SGIP1: variants seen among roughly 807,000 people sequenced by gnomAD.
The protein encoded by SGIP1 is SH3-containing GRB2-like protein 3-interacting protein 1.
SGIP1 carries 38 observed loss-of-function variants against 107.5 expected under a neutral mutation model. The observed-to-expected ratio is 0.35, with a 90% confidence interval of 0.27 to 0.46. SGIP1 has a LOEUF of 0.46. Ranked by LOEUF, SGIP1 falls within the 20% of genes least tolerant of loss-of-function variation. The probability of loss-of-function intolerance (pLI) is 1.00; values close to 1 mark genes in which losing one functional copy is unlikely to be tolerated. For synonymous variants in SGIP1, 365 were observed against 366.1 expected (o/e 1.00, Z 0.03); for missense variants, 929 against 1,019.5 (o/e 0.91, Z 1.21).
At chr1:66,706,165 T>A (rs1420577872) in intron 18 of SGIP1, among the ~76,000 whole-genome samples, 17 of 151,660 alleles carry the variant, frequency 1.1e-4, no homozygotes. Context: ...TGAATTACTG[T>A]TTTTGGTAAA....
At chr1:66,651,816 C>G (rs1394529988) in intron 7 of SGIP1, among the ~76,000 whole-genome samples, 3 of 152,174 alleles carry the variant, frequency 2.0e-5, no homozygotes, top group African/African-American at 7.2e-5. Flanking sequence ...ATTATATATG[C>G]AGATTGTTTG....
intron 1 of SGIP1, among the ~76,000 whole-genome samples, chr1:66,611,791 G>A (rs1329247098): frequency 6.6e-6 from 1 of 152,210 alleles, no homozygotes; most frequent in African/African-American, 2.4e-5. Context: ...GAGCATCTCG[G>A]AGGATGTTGG....
chr1:66,650,529 C>G (rs1302056582), intron 7 of SGIP1, among the ~76,000 whole-genome samples: 1 of 152,108 alleles, frequency 6.6e-6, no homozygotes, highest in Non-Finnish European at 1.5e-5. Flanking sequence ...ACTTCAGTTT[C>G]CTGATTGGTT....
intron 13 of SGIP1, 32 bp from the exon 14 acceptor site, chr1:66,679,646 C>T: frequency 6.3e-7 from 1 of 1,595,048 alleles, no homozygotes; most frequent in African/African-American, 1.4e-5. Context: ...AAGCACATGA[C>T]CAATGATACT....
At chr1:66,597,317 C>T (rs549581531) in intron 1 of SGIP1, among the ~76,000 whole-genome samples, 6 of 152,320 alleles carry the variant, frequency 3.9e-5, no homozygotes, top group African/African-American at 9.6e-5. Context: ...AGTATTTGGT[C>T]TTCTATAACA....
chr1:66,584,648 T>G (rs1203552033), intron 1 of SGIP1, among the ~76,000 whole-genome samples: 2 of 152,188 alleles, frequency 1.3e-5, no homozygotes, highest in African/African-American at 2.4e-5. Context: ...ATTCCCATAT[T>G]GGTATACATC....
Position 66,636,035 on chromosome 1 carries a change from T to C in SGIP1, c.171+20T>C. 6.2e-7 allele frequency: 1 copy of C among 1,609,792 alleles called. No homozygotes were observed. Among genetic ancestry groups the C allele is most frequent in the Non-Finnish European group, 8.5e-7 (1 of 1,177,154 alleles). ...GTTTCGGTAAGGAAACAGATTTTAG[T>C]TTAAAATTTCCAAAGGGTTATAAAA... is the stretch of plus-strand genomic sequence containing the variant. On this transcript the variant is annotated intron_variant, in intron 4 of 24. Coordinates refer to ENST00000371037, the MANE Select transcript of SGIP1 (RefSeq NM_032291.4).
Position 66,682,253 on chromosome 1 carries a change from C to A in SGIP1, c.1199C>A (p.Pro400His), listed in dbSNP as rs141088608. Residue 400 changes from proline (P) to histidine (H), a missense_variant, in exon 15 of 25, where the codon CCT becomes CAT. Physicochemically the swap from Pro to His is moderately conservative, Grantham distance 77. This residue lies in a region of SGIP1 where 588 missense variants were observed against 588.6 expected (regional missense o/e 1.00). Transcript: ENST00000371037. ...KDDYLETISS[P>H]KDFGLGQRAT... ...GATTACTTAGAAACAATCTCATCTC[C>A]TAAAGATTTTGGGTTGGGACAAAGA... The A allele has an allele frequency of 1.2e-5, 19 of 1,614,126 alleles. No homozygotes were observed. The Middle Eastern group carries it at 4.9e-4, about 42-fold the overall frequency.
chr1:66,586,455 A>G (rs773229065), intron 1 of SGIP1, among the ~76,000 whole-genome samples: 5 of 152,088 alleles, frequency 3.3e-5, no homozygotes, highest in Non-Finnish European at 5.9e-5. Flanking sequence ...TCAGAATTAT[A>G]TAATGTTTTT....
chr1:66,581,892 A>C (rs1429569652), intron 1 of SGIP1, among the ~76,000 whole-genome samples: 1 of 152,142 alleles, frequency 6.6e-6, no homozygotes, highest in Non-Finnish European at 1.5e-5. Context: ...GATTTGCTTC[A>C]CAAATTGTTA....
At chr1:66,605,908 T>A (rs2066738450) in intron 1 of SGIP1, among the ~76,000 whole-genome samples, 1 of 152,172 alleles carries the variant, frequency 6.6e-6, no homozygotes, top group Admixed American at 6.5e-5. Context: ...TTTCGATTGC[T>A]TCGCGGTTCA....
At chr1:66,734,720 G>A (rs2150656246) in intron 21 of SGIP1, among the ~76,000 whole-genome samples, 1 of 152,046 alleles carries the variant, frequency 6.6e-6, no homozygotes, top group African/African-American at 2.4e-5. Context: ...TGGCTATGCT[G>A]GTCTGGAACT....
intron 17 of SGIP1, chr1:66,694,301 C>G (rs1032595079): frequency 3.1e-6 from 2 of 637,738 alleles, no homozygotes. Context: ...AATCATAATT[C>G]CAGTGTTTTC....
At chr1:66,704,239 T>G (rs1361518451) in intron 18 of SGIP1, 1 of 152,112 alleles carries the variant, frequency 6.6e-6, no homozygotes. Context: ...TTGATTCTGC[T>G]GAGAGTTGCT....
At chr1:66,615,530 C>T (rs1013151099) in intron 1 of SGIP1, among the ~76,000 whole-genome samples, 6 of 152,094 alleles carry the variant, frequency 3.9e-5, no homozygotes, top group Non-Finnish European at 1.5e-5. Flanking sequence ...AGGACTGGCC[C>T]CCTATTCCCT....
chr1:66,698,447 C>T (rs1024567883), intron 18 of SGIP1, among the ~76,000 whole-genome samples: 1 of 146,360 alleles, frequency 6.8e-6, no homozygotes, highest in African/African-American at 2.5e-5. Flanking sequence ...GGCTCGATCT[C>T]GGCTCACTGC....
Position 66,671,963 on chromosome 1 carries a change from C to T in SGIP1, c.528C>T (p.Pro176=), listed in dbSNP as rs756981539. The T allele has an allele frequency of 8.7e-6, 14 of 1,614,008 alleles. 1 individual carries two copies. The South Asian group carries it at 1.4e-4, about 16-fold the overall frequency. The change falls in exon 11 of 25, where the codon CCC becomes CCT. Residue 176 remains proline, a synonymous_variant. Transcript: ENST00000371037. ...CATCAGGTGAAGAAGTGGCAAGACC[C>T]AGGCGTTCCACACCAACTCCAGAAC... ...RNLSSEEVAR[P]RRSTPTPELI... is the part of the protein sequence containing the mutation.
intron 1 of SGIP1, among the ~76,000 whole-genome samples, chr1:66,539,546 A>G (rs1856315): frequency 0.69 from 104,460 of 152,086 alleles, 36,429 homozygotes; most frequent in East Asian, 1. Flanking sequence ...GAAAACTTCT[A>G]TATCTTCCCA....
chr1:66,603,190 G>C (rs2066195687), intron 1 of SGIP1, among the ~76,000 whole-genome samples: 1 of 152,118 alleles, frequency 6.6e-6, no homozygotes, highest in African/African-American at 2.4e-5. Context: ...AGTTTTTGAG[G>C]ACAAGGTATT....
Sources: gnomAD v4.1 joint callset for allele counts (sites outside exome capture counted in the v4.1 genomes callset) on GRCh38, gnomAD v4.1.1 for gene constraint, gnomAD v4.1.1 regional missense constraint, MANE v1.5 for transcripts, NCBI Gene and HGNC (gene_info 2026-07-23, HGNC 2026-07-21) for gene names.